Variants in IL21 observed in about 807,000 individuals in gnomAD.
IL21 encodes interleukin 21, also known as interleukin-21.
IL21 carries 3 observed loss-of-function variants against 18.4 expected under a neutral mutation model. That is an observed-to-expected ratio of 0.16 (90% CI 0.07 to 0.42). The LOEUF (loss-of-function observed/expected upper bound fraction) is 0.42. Ranked by LOEUF, IL21 falls within the 10% of genes least tolerant of loss-of-function variation. The pLI, the probability that IL21 is intolerant of heterozygous loss-of-function variation, is 0.99. For missense variants in IL21, 130 were observed against 188.4 expected (o/e 0.69, Z 1.81); for synonymous variants, 37 against 62.0 (o/e 0.60, Z 1.90).
At position 122,610,573 on chromosome 4, in the gene IL21, T is replaced by C. The variant is rs1799251779; in HGVS notation, c.*2137A>G. Among the ~76,000 whole-genome samples the C allele has an allele frequency of 6.6e-6, 1 of 152,178 alleles. No individual in the cohort carries two copies. Among genetic ancestry groups the C allele is most frequent in the Admixed American group, 6.5e-5 (1 of 15,272 alleles). On this transcript the variant is annotated 3_prime_UTR_variant, in exon 5 of 5. Coordinates refer to ENST00000648588, the MANE Select transcript of IL21 (RefSeq NM_021803.4). Reference sequence around the variant, plus strand: ...CCAGAACTTTAGATATTCATAGACATTTAAAGCTTTAAAAAAGAAAGAATA... The same window carrying C: ...CCAGAACTTTAGATATTCATAGACACTTAAAGCTTTAAAAAAGAAAGAATA...
chr4:122,618,545 G>A (rs966089085), intron 2 of IL21, among the ~76,000 whole-genome samples: 3 of 152,010 alleles, frequency 2.0e-5, no homozygotes, highest in East Asian at 3.9e-4. Flanking sequence ...AGTGGCTCAC[G>A]CCTGTCATCC....
rs1578434114 is a variant in IL21 at position 122,611,395 on chromosome 4, AC to A, written c.*1314del. Among the ~76,000 whole-genome samples the A allele has an allele frequency of 6.6e-6, 1 of 152,204 alleles. No individual in the cohort carries two copies. The highest frequency in any genetic ancestry group is 2.4e-5 in the African/African-American group (1 of 41,448). ...GGTTAAGTCTGTATTTGTTTTAAGC[AC>A]ATAATTTTTCTTCTCAGAGCATAAA... On this transcript the variant is annotated 3_prime_UTR_variant, in exon 5 of 5. Transcript: ENST00000648588.
rs371045884 is a variant in IL21 at position 122,620,836 on chromosome 4, A to G, written c.168+8T>C. On this transcript the variant is annotated splice_region_variant and intron_variant, in intron 1 of 4. Coordinates refer to ENST00000648588, the MANE Select transcript of IL21 (RefSeq NM_021803.4). Reference sequence around the variant, plus strand: ...ATTTAGATTTTGTTGTGACAAATATAGTCTTACCAAGTCATTCACATAATT... The same window carrying G: ...ATTTAGATTTTGTTGTGACAAATATGGTCTTACCAAGTCATTCACATAATT... 27 of 1,613,476 alleles carry G rather than the reference A, an allele frequency of 1.7e-5. No individual in the cohort carries two copies. Among genetic ancestry groups the G allele is most frequent in the African/African-American group, 2.7e-5 (2 of 74,924 alleles).
chr4:122,611,784 G>T lies in IL21; in HGVS notation c.*926C>A, dbSNP rs1300188711. On this transcript the variant is annotated 3_prime_UTR_variant, in exon 5 of 5. Transcript: ENST00000648588. ...CATGTTGTGAAATTTTGTCAAAGCA[G>T]AAGTTTCATTTTAAAAAGAAGGAAG... Among the ~76,000 whole-genome samples the T allele has an allele frequency of 6.6e-6, 1 of 152,086 alleles. No homozygotes were observed. Among genetic ancestry groups the T allele is most frequent in the Non-Finnish European group, 1.5e-5 (1 of 67,992 alleles).
chr4:122,618,804 CAAAAAAAAAAAAA>C (rs1158779760), intron 2 of IL21, among the ~76,000 whole-genome samples: 1 of 32,586 alleles, frequency 3.1e-5, no homozygotes, highest in Non-Finnish European at 6.0e-5. Flanking sequence ...GACTCCGTCT[CAAAAAAAAAAAAA>C]AAAAAAAAAA....
At chr4:122,617,692 C>T (rs1429069305) in intron 2 of IL21, among the ~76,000 whole-genome samples, 1 of 152,180 alleles carries the variant, frequency 6.6e-6, no homozygotes, top group South Asian at 2.1e-4. Context: ...ATTGATGGGG[C>T]TGTGCTTCCT....
At chr4:122,619,372 A>G (rs1344819255) in intron 2 of IL21, 1 of 152,160 alleles carries the variant, frequency 6.6e-6, no homozygotes, top group African/African-American at 2.4e-5. Context: ...GCTTGATCAG[A>G]TTATCAGATA....
Position 122,621,000 on chromosome 4 carries a change from A to T in IL21, c.12T>A (p.Ser4Arg). MRS[S>R]PGNMERIVIC... Reference sequence around the variant, plus strand: ...TGACAATCCTCTCCATGTTGCCAGGACTGGATCTCATAAGTACCAACAGTA... The same window carrying T: ...TGACAATCCTCTCCATGTTGCCAGGTCTGGATCTCATAAGTACCAACAGTA... Residue 4 changes from serine (S) to arginine (R), a missense_variant, in exon 1 of 5, where the codon AGT becomes AGA. Physicochemically the swap from Ser to Arg is moderately radical, Grantham distance 110 (BLOSUM62 -1). Transcript: ENST00000648588. 1.2e-6 allele frequency: 2 copies of T among 1,613,898 alleles called. No homozygotes were observed. The highest frequency in any genetic ancestry group is 2.2e-5 in the South Asian group (2 of 91,046).
chr4:122,615,818 G>C lies in IL21; in HGVS notation c.224C>G (p.Ala75Gly). 1 of 1,611,242 alleles carries C rather than the reference G, an allele frequency of 6.2e-7. No individual in the cohort carries two copies. The highest frequency in any genetic ancestry group is 8.5e-7 in the Non-Finnish European group (1 of 1,178,474). Reference protein sequence around the residue: ...EDVETNCEWSAFSCFQKAQLK... With the variant: ...EDVETNCEWSGFSCFQKAQLK... ...TTGGGCCTTCTGAAAGCAGGAAAAAGCTGACCACTCACAGTTTGTCTGAAA... is the reference window on the plus strand; with the variant it reads ...TTGGGCCTTCTGAAAGCAGGAAAAACCTGACCACTCACAGTTTGTCTGAAA... The change falls in exon 3 of 5, where the codon GCT (alanine) becomes GGT (glycine). Residue 75 changes from alanine (A) to glycine (G), a missense_variant. Physicochemically the swap from Ala to Gly is moderately conservative, Grantham distance 60. Transcript: ENST00000648588.
chr4:122,621,028 G>T lies in IL21; in HGVS notation c.-17C>A. 1 of 1,607,278 alleles carries T rather than the reference G, an allele frequency of 6.2e-7. No individual in the cohort carries two copies. The highest frequency in any genetic ancestry group is 8.5e-7 in the Non-Finnish European group (1 of 1,175,980). On this transcript the variant is annotated 5_prime_UTR_variant, in exon 1 of 5. Coordinates refer to ENST00000648588, the MANE Select transcript of IL21 (RefSeq NM_021803.4). ...GGATCTCATAAGTACCAACAGTAGA[G>T]CTAGACCTTGGTCTCGTTTTCACTT...
At chr4:122,618,135 A>G (rs1799365191) in intron 2 of IL21, among the ~76,000 whole-genome samples, 1 of 152,214 alleles carries the variant, frequency 6.6e-6, no homozygotes, top group Non-Finnish European at 1.5e-5. Flanking sequence ...TTTGCAGACT[A>G]GAAGGAGCGG....
At chr4:122,615,596 G>T in intron 3 of IL21, 86 bp downstream of exon 3, 1 of 1,236,154 alleles carries the variant, frequency 8.1e-7, no homozygotes, top group Non-Finnish European at 1.1e-6. Context: ...CAGCAGCCCT[G>T]GCTACAGGTG....
At chr4:122,615,484 C>T (rs1415621697) in intron 3 of IL21, among the ~76,000 whole-genome samples, 198 bp downstream of exon 3, 2 of 150,092 alleles carry the variant, frequency 1.3e-5, no homozygotes, top group Non-Finnish European at 3.0e-5. Flanking sequence ...GCAGAGATCA[C>T]GCCACTGCAC....
In IL21 at chr4:122,620,839, C is replaced by T; in HGVS notation, c.168+5G>A. ...TAGATTTTGTTGTGACAAATATAGT[C>T]TTACCAAGTCATTCACATAATTTTT... On this transcript the variant is annotated splice_donor_5th_base_variant and intron_variant, in intron 1 of 4. Coordinates refer to ENST00000648588, the MANE Select transcript of IL21 (RefSeq NM_021803.4). 6.2e-7 allele frequency: 1 copy of T among 1,613,690 alleles called. No homozygotes were observed. The highest frequency in any genetic ancestry group is 8.5e-7 in the Non-Finnish European group (1 of 1,179,640).
intron 3 of IL21, among the ~76,000 whole-genome samples, chr4:122,615,331 C>T (rs1187535776): frequency 6.6e-6 from 1 of 152,132 alleles, no homozygotes; most frequent in Non-Finnish European, 1.5e-5. Context: ...ACCATCCTGG[C>T]TAACATGGTG....
intron 2 of IL21, among the ~76,000 whole-genome samples, chr4:122,616,753 A>G (rs1478604210): frequency 6.6e-6 from 1 of 152,270 alleles, no homozygotes; most frequent in Non-Finnish European, 1.5e-5. Context: ...AAAACCAAAC[A>G]TATACTGACT....
chr4:122,615,601 C>T, intron 3 of IL21, 81 bp downstream of exon 3: 1 of 1,267,142 alleles, frequency 7.9e-7, no homozygotes, highest in South Asian at 1.4e-5. Context: ...GCCCTGGCTA[C>T]AGGTGTGTGT....
rs2150683718 is a variant in IL21 at position 122,610,270 on chromosome 4, T to C, written c.*2440A>G. ...ATGTAAATACAACAGAGCAATAATA[T>C]AGAATAATAATGCTACAATTTTATA... On this transcript the variant is annotated 3_prime_UTR_variant, in exon 5 of 5. Coordinates refer to ENST00000648588, the MANE Select transcript of IL21 (RefSeq NM_021803.4). 6.6e-6 allele frequency among the ~76,000 whole-genome samples: 1 copy of C among 152,288 alleles called. No homozygotes were observed. Among genetic ancestry groups the C allele is most frequent in the East Asian group, 1.9e-4 (1 of 5,186 alleles).
At chr4:122,617,034 T>A (rs1237341051) in intron 2 of IL21, among the ~76,000 whole-genome samples, 2 of 152,186 alleles carry the variant, frequency 1.3e-5, no homozygotes, top group Non-Finnish European at 2.9e-5. Context: ...TGCTTTGCAT[T>A]TTCCAACCCA....
Sources: allele counts gnomAD v4.1 joint callset (sites outside exome capture counted in the v4.1 genomes callset), GRCh38; gene constraint gnomAD v4.1.1; transcripts MANE v1.5; gene names NCBI Gene and HGNC (gene_info 2026-07-23, HGNC 2026-07-21).